Variants in ARB2A observed in about 807,000 individuals in gnomAD.
ARB2A encodes ARB2 cotranscriptional regulator A.
chr5:93,904,189 A>G, the ARB2A span, among the ~76,000 whole-genome samples: 1 of 151,930 alleles, frequency 6.6e-6, no homozygotes, highest in African/African-American at 2.4e-5. Flanking sequence ...GGCTAATGGT[A>G]AGTTGAATTG....
the ARB2A span, among the ~76,000 whole-genome samples, chr5:93,843,374 T>C: frequency 1.5e-3 from 223 of 151,804 alleles, 6 homozygotes; most frequent in East Asian, 0.04. Flanking sequence ...TTCATTATTA[T>C]CTTCAGAGAT....
the ARB2A span, among the ~76,000 whole-genome samples, chr5:93,790,515 TTGTG>T: frequency 2.6e-5 from 4 of 152,146 alleles, no homozygotes; most frequent in South Asian, 2.1e-4. Context: ...GATCTGATGA[TTGTG>T]TGTATTTAAA....
chr5:93,881,254 C>A, the ARB2A span: 1 of 371,798 alleles, frequency 2.7e-6, no homozygotes, highest in South Asian at 4.5e-5. Flanking sequence ...ACAGAATTTG[C>A]ATTTGTGACT....
At chr5:93,857,738 C>T in the ARB2A span, among the ~76,000 whole-genome samples, 4 of 152,204 alleles carry the variant, frequency 2.6e-5, no homozygotes, top group Admixed American at 6.5e-5. Context: ...TTGCGCTTCC[C>T]GAGTGAGGCA....
chr5:93,992,268 A>G, the ARB2A span, among the ~76,000 whole-genome samples: 13 of 152,096 alleles, frequency 8.5e-5, no homozygotes, highest in African/African-American at 2.9e-4. Flanking sequence ...TATTACAGTA[A>G]GTTCTTTAAG....
chr5:93,957,508 A>G, the ARB2A span, among the ~76,000 whole-genome samples: 1 of 152,122 alleles, frequency 6.6e-6, no homozygotes, highest in African/African-American at 2.4e-5. Flanking sequence ...ATAATATTTT[A>G]TGTGAGTTAA....
chr5:93,697,010 C>T, the ARB2A span, among the ~76,000 whole-genome samples: 8 of 139,482 alleles, frequency 5.7e-5, no homozygotes, highest in East Asian at 2.1e-4. Flanking sequence ...TGCAGTGAGT[C>T]GAGATTGCAC....
At chr5:93,784,751 G>A in the ARB2A span, among the ~76,000 whole-genome samples, 1 of 152,070 alleles carries the variant, frequency 6.6e-6, no homozygotes, top group Non-Finnish European at 1.5e-5. Flanking sequence ...TTTTCCATGT[G>A]GTTTGACGAT....
At chr5:93,639,949 C>A in the ARB2A span, among the ~76,000 whole-genome samples, 1 of 147,038 alleles carries the variant, frequency 6.8e-6, no homozygotes, top group Non-Finnish European at 1.5e-5. Context: ...GGAGGCTGAG[C>A]CAAGAGAATG....
At chr5:93,986,467 C>T in the ARB2A span, among the ~76,000 whole-genome samples, 3 of 147,002 alleles carry the variant, frequency 2.0e-5, no homozygotes, top group Non-Finnish European at 4.5e-5. Flanking sequence ...CCGGCCGCCA[C>T]GTCTGGGAAG....
At chr5:94,092,965 A>C in the ARB2A span, among the ~76,000 whole-genome samples, 1 of 152,154 alleles carries the variant, frequency 6.6e-6, no homozygotes, top group Non-Finnish European at 1.5e-5. Flanking sequence ...AAATATTTTC[A>C]ATTGAACTCT....
chr5:93,662,247 A>G, the ARB2A span, among the ~76,000 whole-genome samples: 1 of 152,196 alleles, frequency 6.6e-6, no homozygotes, highest in African/African-American at 2.4e-5. Context: ...TCCAAGTATT[A>G]GGGGTTGGGT....
At chr5:93,845,982 TTC>T in the ARB2A span, among the ~76,000 whole-genome samples, 22 of 137,368 alleles carry the variant, frequency 1.6e-4, no homozygotes, top group African/African-American at 3.0e-4. Context: ...AGAACATATT[TTC>T]TCTCTCTCTC....
chr5:94,093,723 T>A, the ARB2A span, among the ~76,000 whole-genome samples: 1 of 152,198 alleles, frequency 6.6e-6, no homozygotes, highest in Non-Finnish European at 1.5e-5. Context: ...GATTCCATCA[T>A]CAACTCTAAT....
At chr5:93,768,072 T>C in the ARB2A span, among the ~76,000 whole-genome samples, 1 of 149,726 alleles carries the variant, frequency 6.7e-6, no homozygotes, top group Non-Finnish European at 1.5e-5. Flanking sequence ...TTGGAGACTA[T>C]TATTCCAAGT....
the ARB2A span, among the ~76,000 whole-genome samples, chr5:93,867,299 T>G: frequency 6.6e-6 from 1 of 152,248 alleles, no homozygotes; most frequent in Non-Finnish European, 1.5e-5. Context: ...TTATTAAATA[T>G]GATAGCATCC....
the ARB2A span, among the ~76,000 whole-genome samples, chr5:93,924,237 AAAGGGTGTGAAG>A: frequency 6.6e-6 from 1 of 152,158 alleles, no homozygotes; most frequent in Non-Finnish European, 1.5e-5. Context: ...TGAAAAAACA[AAAGGGTGTGAAG>A]AAGGGAGCAA....
the ARB2A span, among the ~76,000 whole-genome samples, chr5:93,970,940 T>C: frequency 6.6e-6 from 1 of 152,036 alleles, no homozygotes; most frequent in Non-Finnish European, 1.5e-5. Flanking sequence ...GTAAATGAAG[T>C]TTGATATTAT....
At chr5:94,100,718 G>C in the ARB2A span, among the ~76,000 whole-genome samples, 2 of 152,150 alleles carry the variant, frequency 1.3e-5, no homozygotes, top group African/African-American at 4.8e-5. Context: ...ATGGTGCTGA[G>C]ATAACTGGCA....
Sources: gnomAD v4.1 joint callset for allele counts (sites outside exome capture counted in the v4.1 genomes callset) on GRCh38, gnomAD v4.1.1 for gene constraint, MANE v1.5 for transcripts, NCBI Gene and HGNC (gene_info 2026-07-23, HGNC 2026-07-21) for gene names.